Variants in CNTNAP2 observed in about 807,000 individuals in gnomAD.
The protein encoded by CNTNAP2 is contactin associated protein 2.
A neutral mutation model predicts 155.2 loss-of-function variants in CNTNAP2; 98 were observed. The ratio of observed to expected loss-of-function variants is 0.63; its 90% CI spans 0.54 to 0.75. The LOEUF (loss-of-function observed/expected upper bound fraction) is 0.75, where lower values mean the gene tolerates loss of function less well. Among genes scored for constraint, CNTNAP2 ranks in the 30% least tolerant of loss-of-function variants. The pLI is 0.00. For synonymous variants in CNTNAP2, 651 were observed against 631.2 expected (o/e 1.03, Z -0.47); for missense variants, 1,727 against 1,688.1 (o/e 1.02, Z -0.40).
chr7:147,891,494 C>G (rs1310362574), intron 13 of CNTNAP2, among the ~76,000 whole-genome samples: 1 of 152,090 alleles, frequency 6.6e-6, no homozygotes, highest in Non-Finnish European at 1.5e-5. Context: ...TGAGCCACCA[C>G]GCCCAGCCAA....
At chr7:147,931,110 C>T (rs887247299) in intron 14 of CNTNAP2, among the ~76,000 whole-genome samples, 3 of 151,412 alleles carry the variant, frequency 2.0e-5, no homozygotes, top group Non-Finnish European at 2.9e-5. Flanking sequence ...AAATCAACAA[C>T]CTAACATACC....
At chr7:147,648,463 G>A (rs1006270005) in intron 13 of CNTNAP2, among the ~76,000 whole-genome samples, 3 of 152,172 alleles carry the variant, frequency 2.0e-5, no homozygotes, top group Admixed American at 2.0e-4. Flanking sequence ...TACCATATTA[G>A]TTCATTTTCA....
chr7:147,467,908 G>C (rs1342673458), intron 10 of CNTNAP2, among the ~76,000 whole-genome samples: 1 of 152,102 alleles, frequency 6.6e-6, no homozygotes, highest in Non-Finnish European at 1.5e-5. Flanking sequence ...ATGCATGCCT[G>C]TAGTCCTAGC....
At chr7:146,309,941 A>T (rs186044145) in intron 1 of CNTNAP2, among the ~76,000 whole-genome samples, 44 of 152,280 alleles carry the variant, frequency 2.9e-4, no homozygotes, top group African/African-American at 9.9e-4. Context: ...ATTTGAACTA[A>T]ATACAAATAA....
intron 1 of CNTNAP2, among the ~76,000 whole-genome samples, chr7:146,252,439 C>T (rs1476612859): frequency 2.0e-5 from 3 of 152,146 alleles, no homozygotes; most frequent in Non-Finnish European, 4.4e-5. Flanking sequence ...ATATGACCGC[C>T]CTGACAGACC....
At chr7:146,289,510 T>A (rs1800394550) in intron 1 of CNTNAP2, among the ~76,000 whole-genome samples, 1 of 152,214 alleles carries the variant, frequency 6.6e-6, no homozygotes. Flanking sequence ...TGAAATTATT[T>A]AAAGAGTGCT....
Position 146,357,536 on chromosome 7 carries a change from G to A in CNTNAP2, c.97+240563G>A, listed in dbSNP as rs373146347. ...CCTCATTACCTTAGGGGAAGCTCTCGTTCACTGGCAGATTGCCATGGCTAA... is the reference window on the plus strand; with the variant it reads ...CCTCATTACCTTAGGGGAAGCTCTCATTCACTGGCAGATTGCCATGGCTAA... On this transcript the variant is annotated intron_variant, in intron 1 of 23. Transcript: ENST00000361727. 5.3e-5 allele frequency among the ~76,000 whole-genome samples: 8 copies of A among 152,032 alleles called. No homozygotes were observed. In the East Asian group the frequency reaches 5.8e-4, roughly 11 times the overall value.
intron 19 of CNTNAP2, among the ~76,000 whole-genome samples, chr7:148,225,956 T>C (rs968467489): frequency 1.3e-5 from 2 of 152,192 alleles, no homozygotes; most frequent in Non-Finnish European, 2.9e-5. Context: ...GCATATGTTA[T>C]GTTTGGGGTT....
intron 9 of CNTNAP2, among the ~76,000 whole-genome samples, chr7:147,324,988 T>C (rs1049765057): frequency 6.6e-6 from 1 of 152,280 alleles, no homozygotes; most frequent in Admixed American, 6.5e-5. Context: ...AAAACATCCA[T>C]GTTTCAAAAT....
chr7:146,669,466 A>T (rs1481127924), intron 1 of CNTNAP2, among the ~76,000 whole-genome samples: 3 of 152,224 alleles, frequency 2.0e-5, no homozygotes, highest in African/African-American at 7.2e-5. Context: ...ACTTTGTTAT[A>T]ACATCAATTG....
At chr7:146,688,509 G>C (rs1301218158) in intron 1 of CNTNAP2, among the ~76,000 whole-genome samples, 1 of 152,054 alleles carries the variant, frequency 6.6e-6, no homozygotes, top group Non-Finnish European at 1.5e-5. Context: ...CAGTTAAAGG[G>C]GGTTGTTCTC....
intron 1 of CNTNAP2, among the ~76,000 whole-genome samples, chr7:146,540,055 C>G (rs951156293): frequency 1.3e-5 from 2 of 152,010 alleles, no homozygotes; most frequent in Non-Finnish European, 2.9e-5. Context: ...AGACAGAGCA[C>G]TGGATAAGGC....
intron 22 of CNTNAP2, among the ~76,000 whole-genome samples, chr7:148,406,902 T>G (rs966473439): frequency 6.6e-6 from 1 of 152,202 alleles, no homozygotes; most frequent in Non-Finnish European, 1.5e-5. Context: ...GTATATAATC[T>G]AAAGACTATA....
At chr7:147,928,243 G>A (rs924447604) in intron 14 of CNTNAP2, among the ~76,000 whole-genome samples, 3 of 151,994 alleles carry the variant, frequency 2.0e-5, no homozygotes, top group Non-Finnish European at 4.4e-5. Context: ...CGGGTAATTA[G>A]CAGCATGAGA....
chr7:146,378,910 A>G (rs531747001), intron 1 of CNTNAP2, among the ~76,000 whole-genome samples: 1 of 152,360 alleles, frequency 6.6e-6, no homozygotes, highest in African/African-American at 2.4e-5. Context: ...AAGAAAGCAG[A>G]GAGACAGAGA....
chr7:146,941,406 T>C (rs1672947427), intron 3 of CNTNAP2, among the ~76,000 whole-genome samples: 1 of 152,158 alleles, frequency 6.6e-6, no homozygotes, highest in African/African-American at 2.4e-5. Flanking sequence ...ACATTTCAAT[T>C]TTGGATGTCA....
chr7:146,163,753 A>T (rs1007834687), intron 1 of CNTNAP2, among the ~76,000 whole-genome samples: 1 of 151,684 alleles, frequency 6.6e-6, no homozygotes, highest in African/African-American at 2.4e-5. Flanking sequence ...AAAGAAAAAG[A>T]AAGGTTGTTT....
chr7:148,232,460 A>G (rs1277189904), intron 20 of CNTNAP2, among the ~76,000 whole-genome samples: 2 of 152,222 alleles, frequency 1.3e-5, no homozygotes, highest in Non-Finnish European at 2.9e-5. Flanking sequence ...GGGATTATCA[A>G]TGGTTTGATT....
At chr7:147,496,422 G>T (rs1003650416) in intron 11 of CNTNAP2, among the ~76,000 whole-genome samples, 2 of 152,134 alleles carry the variant, frequency 1.3e-5, no homozygotes, top group Non-Finnish European at 2.9e-5. Context: ...GTGCATTTTT[G>T]AAAACCATTT....
Sources: allele counts gnomAD v4.1 joint callset (sites outside exome capture counted in the v4.1 genomes callset), GRCh38; gene constraint gnomAD v4.1.1; transcripts MANE v1.5; gene names NCBI Gene and HGNC (gene_info 2026-07-23, HGNC 2026-07-21).